TTC3: variants seen among roughly 807,000 people sequenced by gnomAD.
TTC3 encodes the protein tetratricopeptide repeat domain 3.
Under a neutral mutation model 249.6 loss-of-function variants are expected in TTC3, and 180 were observed. That is an observed-to-expected ratio of 0.72 (90% CI 0.64 to 0.82). The LOEUF is 0.82. Ranked by LOEUF, TTC3 falls within the 40% of genes least tolerant of loss-of-function variation. The pLI is 0.00. For missense variants in TTC3, 2,061 were observed against 2,398.4 expected, an observed-to-expected ratio of 0.86 and a Z score of 2.94; for synonymous variants, 717 against 805.0, an observed-to-expected ratio of 0.89 and a Z score of 1.85.
chr21:37,193,111 C>T (rs1051695411), intron 41 of TTC3, among the ~76,000 whole-genome samples: 3 of 152,112 alleles, frequency 2.0e-5, no homozygotes, highest in African/African-American at 7.2e-5. Flanking sequence ...TTCCTAAAGA[C>T]GGAGGAGACT....
intron 26 of TTC3, among the ~76,000 whole-genome samples, 158 bp from the exon 27 acceptor site, chr21:37,152,793 G>A (rs1601821388): frequency 6.6e-6 from 1 of 152,206 alleles, no homozygotes; most frequent in African/African-American, 2.4e-5. Flanking sequence ...CAAAAGTATT[G>A]TTAAGTGTTT....
At chr21:37,109,564 A>C (rs2075427186) in intron 11 of TTC3, among the ~76,000 whole-genome samples, 1 of 152,230 alleles carries the variant, frequency 6.6e-6, no homozygotes, top group Admixed American at 6.5e-5. Context: ...AGCAGCCCAG[A>C]AGCTCGAACT....
At chr21:37,167,358 A>G (rs1175558252) in intron 33 of TTC3, among the ~76,000 whole-genome samples, 197 bp from the exon 34 acceptor site, 2 of 152,194 alleles carry the variant, frequency 1.3e-5, no homozygotes, top group Non-Finnish European at 2.9e-5. Context: ...AGAGCAATGG[A>G]TCATAATCAT....
intron 41 of TTC3, among the ~76,000 whole-genome samples, chr21:37,192,491 T>TTGTGTG (rs60538841): frequency 0.15 from 20,456 of 140,566 alleles, 1,684 homozygotes; most frequent in Non-Finnish European, 0.19. Flanking sequence ...TCTTCTATCT[T>TTGTGTG]TGTGTGTGTG....
At chr21:37,074,582 C>A (rs2070561018) in intron 1 of TTC3, among the ~76,000 whole-genome samples, 1 of 152,198 alleles carries the variant, frequency 6.6e-6, no homozygotes, top group Non-Finnish European at 1.5e-5. Flanking sequence ...GCGAGGGAAA[C>A]AAGGTAGAAA....
intron 35 of TTC3, 97 bp downstream of exon 35, chr21:37,172,841 T>C: frequency 7.2e-7 from 1 of 1,393,514 alleles, no homozygotes; most frequent in Non-Finnish European, 9.7e-7. Flanking sequence ...ACTTCTGCAT[T>C]GGTGGCTAAA....
chr21:37,095,137 A>ATTGTGTGTGTGTGTG (rs2073784891), intron 8 of TTC3, among the ~76,000 whole-genome samples: 1 of 147,490 alleles, frequency 6.8e-6, no homozygotes, highest in Admixed American at 6.8e-5. Context: ...CTCTAAAAAT[A>ATTGTGTGTGTGTGTG]TGTGTGTGTG....
intron 27 of TTC3, among the ~76,000 whole-genome samples, chr21:37,156,206 C>CT (rs762264540): frequency 3.0e-4 from 21 of 69,094 alleles, no homozygotes; most frequent in South Asian, 9.5e-4. Flanking sequence ...CTGGCTAACT[C>CT]TTTTTTTTTT....
chr21:37,164,230 AT>A lies in TTC3; in HGVS notation c.3335+20del. 1.3e-6 allele frequency: 2 copies of A among 1,550,798 alleles called. No individual in the cohort carries two copies. Among genetic ancestry groups the A allele is most frequent in the Non-Finnish European group, 1.7e-6 (2 of 1,147,310 alleles). On this transcript the variant is annotated intron_variant, in intron 32 of 45. Transcript: ENST00000355666. ...ACTCTATATGAGTAAGTGGGTTGAA[AT>A]TTTTACAACCATTATTTTATACTAA... is the stretch of plus-strand genomic sequence containing the variant.
At chr21:37,105,754 G>A (rs892746000) in intron 10 of TTC3, among the ~76,000 whole-genome samples, 4 of 152,110 alleles carry the variant, frequency 2.6e-5, no homozygotes, top group African/African-American at 4.8e-5. Context: ...AATATACTAT[G>A]TGTTCTTTTA....
chr21:37,201,209 T>A (rs1422561334), intron 45 of TTC3, among the ~76,000 whole-genome samples: 1 of 152,130 alleles, frequency 6.6e-6, no homozygotes, highest in Admixed American at 6.5e-5. Flanking sequence ...TGAGGCCAGG[T>A]TGGAGGCCCA....
At chr21:37,166,696 A>G (rs1376689883) in intron 33 of TTC3, 81 bp downstream of exon 33, 5 of 1,468,168 alleles carry the variant, frequency 3.4e-6, no homozygotes, top group Non-Finnish European at 4.5e-6. Context: ...TATTTGCAAG[A>G]ATCCTTAAAG....
intron 14 of TTC3, among the ~76,000 whole-genome samples, chr21:37,125,070 TAA>T (rs2076946940): frequency 6.6e-6 from 1 of 152,222 alleles, no homozygotes; most frequent in South Asian, 2.1e-4. Flanking sequence ...TGAAAATTTC[TAA>T]GAGACTGTGT....
chr21:37,088,848 T>C (rs1347211841), exon 5 of TTC3: 2 of 1,613,824 alleles, frequency 1.2e-6, no homozygotes, highest in South Asian at 2.2e-5. Flanking sequence ...ACATCTTGAG[T>C]TGATGGAAGA....
At chr21:37,142,094 C>T (rs977326490) in intron 20 of TTC3, among the ~76,000 whole-genome samples, 5 of 152,124 alleles carry the variant, frequency 3.3e-5, no homozygotes, top group African/African-American at 9.7e-5. Context: ...ATTGATGGGA[C>T]GTATCTCAAA....
rs191855339 is a variant in TTC3 at position 37,131,757 on chromosome 21, T to A, written c.1359-925T>A. Among the ~76,000 whole-genome samples, 6 of 152,280 alleles carry A rather than the reference T, an allele frequency of 3.9e-5. No homozygotes were observed. The East Asian group carries it at 1.2e-3, about 29-fold the overall frequency. On this transcript the variant is annotated intron_variant, in intron 16 of 45. Transcript: ENST00000355666. ...TTAGTATCAGAACTGAATTGCATTATTGCACACTCATTTTGTGTTGGACAG... is the reference window on the plus strand; with the variant it reads ...TTAGTATCAGAACTGAATTGCATTAATGCACACTCATTTTGTGTTGGACAG...
intron 14 of TTC3, among the ~76,000 whole-genome samples, chr21:37,125,508 TCA>T (rs2076978096): frequency 6.6e-6 from 1 of 152,232 alleles, no homozygotes; most frequent in Non-Finnish European, 1.5e-5. Flanking sequence ...ATGTGTCTTT[TCA>T]CCCCATCTGA....
At chr21:37,073,776 C>T (rs2070386405) in intron 1 of TTC3, among the ~76,000 whole-genome samples, 1 of 152,188 alleles carries the variant, frequency 6.6e-6, no homozygotes, top group Non-Finnish European at 1.5e-5. Flanking sequence ...GTCCGCGCTC[C>T]CTGGCGGCTG....
chr21:37,152,391 T>G lies in TTC3; in HGVS notation c.2413+362T>G, dbSNP rs7510559. ...GGGGAACTAAGTTGTTTTTTTTTTTTGTTTTTTTTTTTTGAGACGGAGTCT... is the reference window on the plus strand; with the variant it reads ...GGGGAACTAAGTTGTTTTTTTTTTTGGTTTTTTTTTTTTGAGACGGAGTCT... On this transcript the variant is annotated intron_variant, in intron 26 of 45. Transcript: ENST00000355666. Among the ~76,000 whole-genome samples the G allele has an allele frequency of 3.1e-3, 423 of 137,284 alleles. 2 individuals are homozygous for G. The highest frequency in any genetic ancestry group is 4.1e-3 in the Admixed American group (55 of 13,530). 90.1% of individuals were successfully genotyped at this position (137,284 alleles called of 152,430 possible). A position where few individuals can be genotyped will look rare whatever the true frequency, so the allele number is the denominator to read the frequency against.
Sources: allele counts gnomAD v4.1 joint callset (sites outside exome capture counted in the v4.1 genomes callset), GRCh38; gene constraint gnomAD v4.1.1; transcripts MANE v1.5; gene names NCBI Gene and HGNC (gene_info 2026-07-23, HGNC 2026-07-21).